HIC1: variants seen among roughly 807,000 people sequenced by gnomAD.
HIC1 encodes hypermethylated in cancer 1 protein.
A neutral mutation model predicts 26.4 loss-of-function variants in HIC1; 9 were observed. That is an observed-to-expected ratio of 0.34 (90% CI 0.21 to 0.59). The LOEUF is 0.59. Ranked by LOEUF, HIC1 falls within the 20% of genes least tolerant of loss-of-function variation. The probability of loss-of-function intolerance (pLI) is 0.82; values close to 1 mark genes in which losing one functional copy is unlikely to be tolerated. For missense variants in HIC1, 965 were observed against 1,075.7 expected (o/e 0.90, Z 1.44); for synonymous variants, 631 against 523.1 (o/e 1.21, Z -2.81).
Position 2,058,845 on chromosome 17 carries a change from C to A in HIC1, c.*10C>A. On this transcript the variant is annotated 3_prime_UTR_variant, in exon 2 of 2. Transcript: ENST00000619757. ...TTTCTCTCCCACCTAGAGCGCCCCT[C>A]GCCAGCCCGCTCTGTCGCTGCTGCG... 7.0e-7 allele frequency: 1 copy of A among 1,429,768 alleles called. No homozygotes were observed. The highest frequency in any genetic ancestry group is 2.9e-5 in the East Asian group (1 of 34,130). 88.6% of individuals were successfully genotyped at this position (1,429,768 alleles called of 1,614,324 possible).
In HIC1 at chr17:2,061,468, G is replaced by GC. The variant is rs774357112; in HGVS notation, c.*2633_*2634insC. On this transcript the variant is annotated 3_prime_UTR_variant, in exon 2 of 2. Transcript: ENST00000619757. ...TGGCCTTTCAGGAACGGTTCCACGG[G>GC]GGGGGGGCCCCAGTGTGGCTCCCTC... is the stretch of plus-strand genomic sequence containing the variant. 1.7e-5 allele frequency: 26 copies of GC among 1,565,180 alleles called. No individual in the cohort carries two copies. The Admixed American group carries it at 2.9e-4, about 17-fold the overall frequency.
Position 2,057,295 on chromosome 17 carries a change from C to A in HIC1, c.605C>A (p.Ser202Ter). ...ACGCACTGCGCCGAGCTGTACGCGT[C>A]GGGACCCGGCCCGGCCGCCGCACTC... ...VNTHCAELYASGPGPAAALCA... is the reference protein window; with the variant it reads ...VNTHCAELYA The change falls in exon 2 of 2, where the codon TCG (serine) becomes TAG (stop). Residue 202 changes from serine to a stop codon, truncating the protein, a stop_gained. Coordinates refer to ENST00000619757, the MANE Select transcript of HIC1 (RefSeq NM_006497.4). LOFTEE classifies it low-confidence loss of function (END_TRUNC). 1.3e-6 allele frequency: 2 copies of A among 1,490,332 alleles called. No homozygotes were observed. Among genetic ancestry groups the A allele is most frequent in the South Asian group, 2.5e-5 (2 of 80,182 alleles). The allele number at this position is 1,490,332 out of a possible 1,614,324, so 92.3% of individuals were successfully genotyped here. A position where few individuals can be genotyped will look rare whatever the true frequency, so the allele number is the denominator to read the frequency against.
chr17:2,058,599 A>T lies in HIC1; in HGVS notation c.1909A>T (p.Thr637Ser). 6.4e-7 allele frequency: 1 copy of T among 1,550,618 alleles called. No individual in the cohort carries two copies. Among genetic ancestry groups the T allele is most frequent in the Non-Finnish European group, 8.6e-7 (1 of 1,156,726 alleles). Residue 637 changes from threonine to serine, a missense_variant, in exon 2 of 2, where the codon ACG (threonine) becomes TCG (serine). This residue lies in a region of HIC1 where 210 missense variants were observed against 179.2 expected (regional missense o/e 1.17). Coordinates refer to ENST00000619757, the MANE Select transcript of HIC1 (RefSeq NM_006497.4). ...GGGCGTCTTTGCTGTGGCTCGCCTC[A>T]CGGCCGAGCAGCTGAGCCTGAAGCA... ...PEGVFAVARL[T>S]AEQLSLKQQD... is the part of the protein sequence containing the mutation.
In HIC1 at chr17:2,058,748, C is replaced by T. The variant is rs1436842189; in HGVS notation, c.2058C>T (p.Pro686=). 1.3e-6 allele frequency: 2 copies of T among 1,526,634 alleles called. No individual in the cohort carries two copies. The highest frequency in any genetic ancestry group is 8.8e-7 in the Non-Finnish European group (1 of 1,141,252). The allele number at this position is 1,526,634 out of a possible 1,614,324, so 94.6% of individuals were successfully genotyped here. A position where few individuals can be genotyped will look rare whatever the true frequency, so the allele number is the denominator to read the frequency against. ...AKFTAELGLS[P]DKAAEVLSQG... ...TCACGGCCGAGCTGGGCCTCAGCCCCGACAAGGCGGCCGAGGTGCTGAGCC... is the reference window on the plus strand; with the variant it reads ...TCACGGCCGAGCTGGGCCTCAGCCCTGACAAGGCGGCCGAGGTGCTGAGCC... The change falls in exon 2 of 2, where the codon CCC becomes CCT. Residue 686 remains proline (P), a synonymous_variant. Transcript: ENST00000619757.
At position 2,058,483 on chromosome 17, in the gene HIC1, G is replaced by T; in HGVS notation, c.1793G>T (p.Gly598Val). 6.8e-7 allele frequency: 1 copy of T among 1,476,200 alleles called. No homozygotes were observed. Among genetic ancestry groups the T allele is most frequent in the Non-Finnish European group, 8.9e-7 (1 of 1,122,962 alleles). 91.4% of individuals were successfully genotyped at this position (1,476,200 alleles called of 1,614,324 possible). A position where few individuals can be genotyped will look rare whatever the true frequency, so the allele number is the denominator to read the frequency against. ...ISHMKMHAVG[G>V]AAGAAGALAG... ...CACATGAAGATGCACGCCGTGGGGG[G>T]CGCGGCCGGCGCGGCCGGGGCGCTG... The change falls in exon 2 of 2, where the codon GGC becomes GTC. Residue 598 changes from glycine (G) to valine (V), a missense_variant. Coordinates refer to ENST00000619757, the MANE Select transcript of HIC1 (RefSeq NM_006497.4).
chr17:2,059,365 A>G lies in HIC1; in HGVS notation c.*530A>G, dbSNP rs1370398754. 6.6e-6 allele frequency: 1 copy of G among 151,808 alleles called. No individual in the cohort carries two copies. Among genetic ancestry groups the G allele is most frequent in the African/African-American group, 2.8e-5 (1 of 36,182 alleles). The allele number at this position is 151,808 out of a possible 1,614,324, so 9.4% of individuals were successfully genotyped here. A position where few individuals can be genotyped will look rare whatever the true frequency, so the allele number is the denominator to read the frequency against. Reference sequence around the variant, plus strand: ...GATAATGTGAAGTTCCTCATTTTGCACAAGTGGCACTAGCCCCAGGGCCAA... The same window carrying G: ...GATAATGTGAAGTTCCTCATTTTGCGCAAGTGGCACTAGCCCCAGGGCCAA... On this transcript the variant is annotated 3_prime_UTR_variant, in exon 2 of 2. Coordinates refer to ENST00000619757, the MANE Select transcript of HIC1 (RefSeq NM_006497.4).
At chr17:2,056,259 C>CT (rs2067671421) in intron 1 of HIC1, 1 of 1,522,276 alleles carries the variant, frequency 6.6e-7, no homozygotes, top group Non-Finnish European at 9.1e-7. Flanking sequence ...GCGGGAGGCG[C>CT]TGGTTCCTCG....
In HIC1 at chr17:2,058,835, G is replaced by A; in HGVS notation, c.2145G>A (p.Ter715=). 1 of 1,458,292 alleles carries A rather than the reference G, an allele frequency of 6.9e-7. No individual in the cohort carries two copies. The highest frequency in any genetic ancestry group is 9.0e-7 in the Non-Finnish European group (1 of 1,110,170). The allele number at this position is 1,458,292 out of a possible 1,614,324, so 90.3% of individuals were successfully genotyped here. A position where few individuals can be genotyped will look rare whatever the true frequency, so the allele number is the denominator to read the frequency against. Residue 715 remains the stop codon, a stop_retained_variant, in exon 2 of 2, where the codon TAG becomes TAA. Coordinates refer to ENST00000619757, the MANE Select transcript of HIC1 (RefSeq NM_006497.4). ...GRTIDRFSPT[*] ...CCATCGACCGTTTCTCTCCCACCTA[G>A]AGCGCCCCTCGCCAGCCCGCTCTGT...
rs752984487 is a variant in HIC1 at position 2,061,469 on chromosome 17, G to C, written c.*2634G>C. 29 of 1,566,734 alleles carry C rather than the reference G, an allele frequency of 1.9e-5. No individual in the cohort carries two copies. The highest frequency in any genetic ancestry group is 2.3e-5 in the Non-Finnish European group (27 of 1,157,662). On this transcript the variant is annotated 3_prime_UTR_variant, in exon 2 of 2. Transcript: ENST00000619757. ...GGCCTTTCAGGAACGGTTCCACGGG[G>C]GGGGGGCCCCAGTGTGGCTCCCTCA... is the stretch of plus-strand genomic sequence containing the variant.
At position 2,059,664 on chromosome 17, in the gene HIC1, C is replaced by G. The variant is rs1377106160; in HGVS notation, c.*829C>G. ...TTCCATTTTCTATACTCGAACCAAA[C>G]AGCAATAAAGCAGTAACCAAGGACC... On this transcript the variant is annotated 3_prime_UTR_variant, in exon 2 of 2. Coordinates refer to ENST00000619757, the MANE Select transcript of HIC1 (RefSeq NM_006497.4). 1.2e-5 allele frequency: 2 copies of G among 166,806 alleles called. No homozygotes were observed. Among genetic ancestry groups the G allele is most frequent in the Non-Finnish European group, 2.9e-5 (2 of 68,272 alleles). The allele number at this position is 166,806 out of a possible 1,614,324, so 10.3% of individuals were successfully genotyped here. A position where few individuals can be genotyped will look rare whatever the true frequency, so the allele number is the denominator to read the frequency against.
In HIC1 at chr17:2,055,754, G is replaced by T. The variant is rs868532213; in HGVS notation, c.-21+516G>T. On this transcript the variant is annotated intron_variant, in intron 1 of 1. Coordinates refer to ENST00000619757, the MANE Select transcript of HIC1 (RefSeq NM_006497.4). The surrounding 1 kb of genome is among the most constrained non-coding windows in gnomAD (Gnocchi z 6.4). ...TTTGGGGGCCGCGAGGAAGAGCTGC[G>T]AGCCGAGGGCCTGGGGCCGGCGCAC... Among the ~76,000 whole-genome samples the T allele has an allele frequency of 3.3e-5, 5 of 151,776 alleles. No homozygotes were observed. The highest frequency in any genetic ancestry group is 7.4e-5 in the Non-Finnish European group (5 of 67,886).
rs745774508 is a variant in HIC1, at chr17:2,057,352, G to A, written c.662G>A (p.Cys221Tyr). The change falls in exon 2 of 2, where the codon TGT becomes TAT. Residue 221 changes from cysteine (C) to tyrosine (Y), a missense_variant. By Grantham distance (194) the Cys-to-Tyr change is radical. Around this residue, in one of 6 missense-constraint regions of HIC1, gnomAD observed 526 missense variants for 525.0 expected, o/e 1.00. Coordinates refer to ENST00000619757, the MANE Select transcript of HIC1 (RefSeq NM_006497.4). ...TCGGAGCGCCGCTGCTCCCCTCTTT[G>A]TGGCCTGGACCTGTCCAAGAAGAGC... Reference protein sequence around the residue: ...CASERRCSPLCGLDLSKKSPP... With the variant: ...CASERRCSPLYGLDLSKKSPP... 7.4e-6 allele frequency: 11 copies of A among 1,496,412 alleles called. No homozygotes were observed. Among genetic ancestry groups the A allele is most frequent in the Admixed American group, 4.4e-5 (2 of 45,736 alleles). 92.7% of individuals were successfully genotyped at this position (1,496,412 alleles called of 1,614,324 possible).
At position 2,058,449 on chromosome 17, in the gene HIC1, C is replaced by T; in HGVS notation, c.1759C>T (p.Leu587Phe). The change falls in exon 2 of 2, where the codon CTC becomes TTC. Residue 587 changes from leucine (L) to phenylalanine (F), a missense_variant. Around this residue, in one of 6 missense-constraint regions of HIC1, gnomAD observed 45 missense variants for 119.9 expected, o/e 0.38. Coordinates refer to ENST00000619757, the MANE Select transcript of HIC1 (RefSeq NM_006497.4). Reference sequence around the variant, plus strand: ...CGGCAAGTTCGCACAGCAACGCAACCTCATCAGCCACATGAAGATGCACGC... The same window carrying T: ...CGGCAAGTTCGCACAGCAACGCAACTTCATCAGCCACATGAAGATGCACGC... ...CGGKFAQQRNLISHMKMHAVG... is the reference protein window; with the variant it reads ...CGGKFAQQRNFISHMKMHAVG... 6.3e-7 allele frequency: 1 copy of T among 1,595,176 alleles called. No individual in the cohort carries two copies. Among genetic ancestry groups the T allele is most frequent in the South Asian group, 1.1e-5 (1 of 88,764 alleles).
At position 2,056,726 on chromosome 17, in the gene HIC1, G is replaced by C. The variant is rs775228381; in HGVS notation, c.36G>C (p.Arg12Ser). The change falls in exon 2 of 2, where the codon AGG (arginine) becomes AGC (serine). Residue 12 changes from arginine (R) to serine (S), a missense_variant. Physicochemically the swap from Arg to Ser is moderately radical, Grantham distance 110 (BLOSUM62 -1). Transcript: ENST00000619757. ...CGATGGAGGCGCCCGGCCACTCCAG[G>C]CAGCTGCTGCTGCAGCTCAACAACC... ...LDTMEAPGHSRQLLLQLNNQR... is the reference protein window; with the variant it reads ...LDTMEAPGHSSQLLLQLNNQR... The C allele has an allele frequency of 6.2e-7, 1 of 1,609,566 alleles. No individual in the cohort carries two copies. The highest frequency in any genetic ancestry group is 1.3e-5 in the African/African-American group (1 of 74,882).
At position 2,057,204 on chromosome 17, in the gene HIC1, TC is replaced by T; in HGVS notation, c.518del (p.Pro173GlnfsTer141). 1 of 1,385,374 alleles carries T rather than the reference TC, an allele frequency of 7.2e-7. No individual in the cohort carries two copies. The highest frequency in any genetic ancestry group is 1.5e-5 in the South Asian group (1 of 66,094). 85.8% of individuals were successfully genotyped at this position (1,385,374 alleles called of 1,614,324 possible). A position where few individuals can be genotyped will look rare whatever the true frequency, so the allele number is the denominator to read the frequency against. On this transcript the variant is annotated frameshift_variant, in exon 2 of 2. Transcript: ENST00000619757. LOFTEE classifies it low-confidence loss of function (END_TRUNC). ...ATPVIQACYP[S>X]PVGPPPPPAA... ...GCCGGTCATCCAGGCCTGCTACCCG[TC>T]CCCAGTCGGGCCTCCGCCGCCGCCT...
In HIC1 at chr17:2,057,865, C is replaced by A. The variant is rs1465501295; in HGVS notation, c.1175C>A (p.Pro392Gln). ...ACCGGTAGCAGCGAGGACCCCAGCCCGCCTGGCGGCCACCTCGAGGGCTAC... is the reference window on the plus strand; with the variant it reads ...ACCGGTAGCAGCGAGGACCCCAGCCAGCCTGGCGGCCACCTCGAGGGCTAC... ...EETGSSEDPS[P>Q]PGGHLEGYPC... The change falls in exon 2 of 2, where the codon CCG becomes CAG. Residue 392 changes from proline (P) to glutamine (Q), a missense_variant. This residue lies in a region of HIC1 where 526 missense variants were observed against 525.0 expected (regional missense o/e 1.00). Transcript: ENST00000619757. The A allele has an allele frequency of 6.3e-7, 1 of 1,593,408 alleles. No individual in the cohort carries two copies.
rs2067683462 is a variant in HIC1 at position 2,057,502 on chromosome 17, C to T, written c.812C>T (p.Pro271Leu). Residue 271 changes from proline to leucine, a missense_variant, in exon 2 of 2, where the codon CCG becomes CTG. Transcript: ENST00000619757. ...KEPPLALPSL[P>L]PLPFQKLEEA... ...CCGCCTCTCGCCCTGCCGTCGCTGCCGCCGCTGCCCTTCCAGAAGCTGGAG... is the reference window on the plus strand; with the variant it reads ...CCGCCTCTCGCCCTGCCGTCGCTGCTGCCGCTGCCCTTCCAGAAGCTGGAG... 3 of 1,487,940 alleles carry T rather than the reference C, an allele frequency of 2.0e-6. No individual in the cohort carries two copies. The East Asian group carries it at 8.7e-5, about 43-fold the overall frequency. 92.2% of individuals were successfully genotyped at this position (1,487,940 alleles called of 1,614,324 possible).
At position 2,061,781 on chromosome 17, in the gene HIC1, C is replaced by T. The variant is rs1280354514; in HGVS notation, c.*2946C>T. On this transcript the variant is annotated 3_prime_UTR_variant, in exon 2 of 2. Transcript: ENST00000619757. ...TTTCCTCCGTCCGGGCTCTCAGCCC[C>T]GGGGACCCTCCCCTGCTGGCCTAGA... is the stretch of plus-strand genomic sequence containing the variant. The T allele has an allele frequency of 6.0e-5, 50 of 827,528 alleles. No homozygotes were observed. Among genetic ancestry groups the T allele is most frequent in the South Asian group, 5.1e-4 (30 of 59,128 alleles). The allele number at this position is 827,528 out of a possible 1,614,324, so 51.3% of individuals were successfully genotyped here.
rs774172155 is a variant in HIC1 at position 2,058,068 on chromosome 17, G to A, written c.1378G>A (p.Ala460Thr). Residue 460 changes from alanine to threonine, a missense_variant, in exon 2 of 2, where the codon GCC (alanine) becomes ACC (threonine). This residue lies in a region of HIC1 where 105 missense variants were observed against 101.4 expected (regional missense o/e 1.04). Coordinates refer to ENST00000619757, the MANE Select transcript of HIC1 (RefSeq NM_006497.4). ...RAEAAEVAAG[A>T]AGLGPPFGGG... ...CGAGGCGGCCGAAGTGGCCGCTGGG[G>A]CCGCCGGCCTAGGGCCCCCTTTTGG... 2 of 1,581,508 alleles carry A rather than the reference G, an allele frequency of 1.3e-6. No homozygotes were observed. Among genetic ancestry groups the A allele is most frequent in the Non-Finnish European group, 1.7e-6 (2 of 1,166,560 alleles).
Sources: allele counts gnomAD v4.1 joint callset (sites outside exome capture counted in the v4.1 genomes callset), GRCh38; gene constraint gnomAD v4.1.1; regional missense constraint gnomAD v4.1.1; non-coding constraint Gnocchi (gnomAD v3.1); transcripts MANE v1.5; gene names NCBI Gene and HGNC (gene_info 2026-07-23, HGNC 2026-07-21).